The following FCHSD2 variants were observed in gnomAD, a reference collection of about 807,000 sequenced individuals.
FCHSD2 encodes F-BAR and double SH3 domains protein 2.
Under a neutral mutation model 108.1 loss-of-function variants are expected in FCHSD2, and 38 were observed. That is an observed-to-expected ratio of 0.35 (90% confidence interval 0.27 to 0.46). The LOEUF (loss-of-function observed/expected upper bound fraction) is 0.46. FCHSD2 is among the 20% of genes least tolerant of loss of function. The pLI, the probability that FCHSD2 is intolerant of heterozygous loss-of-function variation, is 1.00. For synonymous variants in FCHSD2, 279 were observed against 314.7 expected, an observed-to-expected ratio of 0.89 and a Z score of 1.20; for missense variants, 751 against 897.8, an observed-to-expected ratio of 0.84 and a Z score of 2.09.
At chr11:73,041,550 T>C (rs928884596) in intron 3 of FCHSD2, among the ~76,000 whole-genome samples, 1 of 152,206 alleles carries the variant, frequency 6.6e-6, no homozygotes, top group Non-Finnish European at 1.5e-5. Context: ...TGTCTATTCA[T>C]ATCCTTTCCC....
chr11:72,984,564 A>T (rs1857276671), intron 7 of FCHSD2, among the ~76,000 whole-genome samples: 1 of 152,198 alleles, frequency 6.6e-6, no homozygotes, highest in Non-Finnish European at 1.5e-5. Flanking sequence ...TGGAGTTAGA[A>T]AACAGTTTTT....
In FCHSD2 at chr11:72,985,571, G is replaced by C. The variant is rs77800942; in HGVS notation, c.522-455C>G. Among the ~76,000 whole-genome samples, 1,299 of 152,228 alleles carry C rather than the reference G, an allele frequency of 8.5e-3. 7 individuals carry two copies. Among genetic ancestry groups the C allele is most frequent in the Non-Finnish European group, 0.015 (1,012 of 68,030 alleles). On this transcript the variant is annotated intron_variant, in intron 6 of 19. Coordinates refer to ENST00000409418, the MANE Select transcript of FCHSD2 (RefSeq NM_014824.3). ...CTGTGTGTGAAAGACTCTAACAATA[G>C]GCTCTATGAAGTCCTTACTTCTATT...
chr11:73,024,409 T>A (rs915080394), intron 3 of FCHSD2, among the ~76,000 whole-genome samples: 5 of 152,284 alleles, frequency 3.3e-5, no homozygotes, highest in African/African-American at 1.2e-4. Flanking sequence ...CACTAGTTGA[T>A]AAAGTTGTTT....
chr11:73,023,960 T>C (rs555275588), intron 3 of FCHSD2, among the ~76,000 whole-genome samples: 1 of 152,234 alleles, frequency 6.6e-6, no homozygotes, highest in African/African-American at 2.4e-5. Flanking sequence ...GACCAATTGA[T>C]AGAGAAAACA....
chr11:73,009,877 A>T (rs970705336), intron 4 of FCHSD2, among the ~76,000 whole-genome samples: 3 of 152,058 alleles, frequency 2.0e-5, no homozygotes, highest in African/African-American at 7.2e-5. Flanking sequence ...TGTACCATGG[A>T]GAATGCCTTT....
intron 3 of FCHSD2, among the ~76,000 whole-genome samples, chr11:73,020,029 G>A (rs973465674): frequency 2.6e-5 from 4 of 152,086 alleles, no homozygotes; most frequent in African/African-American, 9.7e-5. Context: ...GATGCATAAT[G>A]CTGATTTGAT....
intron 12 of FCHSD2, among the ~76,000 whole-genome samples, chr11:72,871,650 G>C (rs1015902074): frequency 6.6e-6 from 1 of 152,128 alleles, no homozygotes; most frequent in Admixed American, 6.5e-5. Flanking sequence ...AGACTGAGGA[G>C]GCAGGCTCAC....
intron 9 of FCHSD2, among the ~76,000 whole-genome samples, chr11:72,913,306 T>C (rs1855801601): frequency 6.6e-6 from 1 of 152,216 alleles, no homozygotes; most frequent in Non-Finnish European, 1.5e-5. Flanking sequence ...TCTCAGTCTG[T>C]TGCCCAGGAT....
rs146111778 is a variant in FCHSD2, at chr11:73,055,424, T to G, written c.165+28271A>C. On this transcript the variant is annotated intron_variant, in intron 3 of 19. Coordinates refer to ENST00000409418, the MANE Select transcript of FCHSD2 (RefSeq NM_014824.3). ...TACAAACAAATGGCAGAGCTGCCAC[T>G]TTCTACCCATACAGAGCTCTTTATC... Among the ~76,000 whole-genome samples the G allele has an allele frequency of 4.7e-3, 722 of 152,224 alleles. 5 individuals are homozygous for G. Among genetic ancestry groups the G allele is most frequent in the African/African-American group, 0.017 (700 of 41,528 alleles).
intron 5 of FCHSD2, among the ~76,000 whole-genome samples, chr11:72,996,523 A>T (rs1439846119): frequency 6.6e-6 from 1 of 152,238 alleles, no homozygotes; most frequent in African/African-American, 2.4e-5. Context: ...AAATGTCAGC[A>T]TACAGAAAAT....
chr11:73,040,293 T>C (rs528850475), intron 3 of FCHSD2, among the ~76,000 whole-genome samples: 1 of 152,308 alleles, frequency 6.6e-6, no homozygotes, highest in South Asian at 2.1e-4. Context: ...CTGTAATTGT[T>C]TCGCAGTCAT....
chr11:73,028,005 C>G (rs984940739), intron 3 of FCHSD2, among the ~76,000 whole-genome samples: 1 of 152,252 alleles, frequency 6.6e-6, no homozygotes, highest in Admixed American at 6.5e-5. Flanking sequence ...GATGTCCAGG[C>G]AGAAGTCTGC....
At chr11:73,107,849 T>G (rs1429566237) in intron 2 of FCHSD2, among the ~76,000 whole-genome samples, 1 of 152,230 alleles carries the variant, frequency 6.6e-6, no homozygotes, top group African/African-American at 2.4e-5. Context: ...ATTTATCTGC[T>G]GATGGACACT....
chr11:73,110,725 C>G (rs1239703445), intron 2 of FCHSD2, among the ~76,000 whole-genome samples: 1 of 152,046 alleles, frequency 6.6e-6, no homozygotes, highest in Non-Finnish European at 1.5e-5. Flanking sequence ...TTGGTTTGCT[C>G]TTGCTTTGTC....
chr11:72,940,487 G>C (rs1856393021), intron 8 of FCHSD2: 1 of 725,946 alleles, frequency 1.4e-6, no homozygotes, highest in Non-Finnish European at 2.4e-6. Flanking sequence ...GTAGCCATCA[G>C]GTAAGCCAAG....
chr11:72,907,428 G>A (rs1390832177), intron 9 of FCHSD2, among the ~76,000 whole-genome samples: 1 of 146,510 alleles, frequency 6.8e-6, no homozygotes, highest in East Asian at 1.9e-4. Context: ...CAAAGGGAAT[G>A]CTTCCAGTTT....
chr11:73,078,359 T>C (rs1261228263), intron 3 of FCHSD2, among the ~76,000 whole-genome samples: 3 of 152,174 alleles, frequency 2.0e-5, no homozygotes, highest in Non-Finnish European at 4.4e-5. Flanking sequence ...AAGAAAGATA[T>C]GTTCATATGT....
rs752027708 is a variant in FCHSD2, at chr11:73,015,764, A to T, written c.242+45T>A. The T allele has an allele frequency of 2.7e-5, 33 of 1,222,274 alleles. No individual in the cohort carries two copies. In the African/African-American group the frequency reaches 4.8e-4, roughly 18 times the overall value. The allele number at this position is 1,222,274 out of a possible 1,614,324, so 75.7% of individuals were successfully genotyped here. ...ATTATCTATATGTAACATAGCTTTA[A>T]GTAAAACCGTTTCTAAAGAAAATAG... is the stretch of plus-strand genomic sequence containing the variant. On this transcript the variant is annotated intron_variant, in intron 4 of 19. Transcript: ENST00000409418.
chr11:73,137,247 C>A, intron 2 of FCHSD2, among the ~76,000 whole-genome samples: 1 of 151,216 alleles, frequency 6.6e-6, no homozygotes. Context: ...GTAGGTAATA[C>A]GGTATCCTAT....
Sources: allele counts gnomAD v4.1 joint callset (sites outside exome capture counted in the v4.1 genomes callset), GRCh38; gene constraint gnomAD v4.1.1; transcripts MANE v1.5; gene names NCBI Gene and HGNC (gene_info 2026-07-23, HGNC 2026-07-21).